The following TERF1 variants were observed in gnomAD, a reference collection of about 807,000 sequenced individuals.
TERF1 encodes the protein telomeric repeat-binding factor 1.
In TERF1, 20 loss-of-function variants were observed where a neutral mutation model predicts 55.1. The ratio of observed to expected loss-of-function variants is 0.36; its 90% confidence interval spans 0.26 to 0.53. The LOEUF is 0.53. Among genes scored for constraint, TERF1 ranks in the 20% least tolerant of loss-of-function variants. The pLI is 0.91. For missense variants in TERF1, 439 were observed against 535.7 expected (o/e 0.82, Z 1.78); for synonymous variants, 168 against 181.2 (o/e 0.93, Z 0.59).
At chr8:73,018,476 G>C (rs1413015553) in intron 2 of TERF1, among the ~76,000 whole-genome samples, 1 of 152,134 alleles carries the variant, frequency 6.6e-6, no homozygotes. Flanking sequence ...AGGAGTTCGA[G>C]ACCAGCCTGG....
intron 2 of TERF1, among the ~76,000 whole-genome samples, chr8:73,015,116 CAG>C (rs1272467940): frequency 6.6e-6 from 1 of 152,128 alleles, no homozygotes; most frequent in Non-Finnish European, 1.5e-5. Flanking sequence ...CCAAAAAAGG[CAG>C]GGGGGAATCC....
chr8:73,030,421 T>C lies in TERF1; in HGVS notation c.947+26T>C. ...GTGAAGTAAATTGACGTTTTTCTTC[T>C]TTGTCTTTCAAATCTTTGATTGAAG... On this transcript the variant is annotated intron_variant, in intron 7 of 9. Coordinates refer to ENST00000276603, the MANE Select transcript of TERF1 (RefSeq NM_017489.3). 2 of 1,424,866 alleles carry C rather than the reference T, an allele frequency of 1.4e-6. 1 individual carries two copies. Among genetic ancestry groups the C allele is most frequent in the South Asian group, 3.1e-5 (2 of 64,344 alleles). The allele number at this position is 1,424,866 out of a possible 1,614,324, so 88.3% of individuals were successfully genotyped here. A position where few individuals can be genotyped will look rare whatever the true frequency, so the allele number is the denominator to read the frequency against.
chr8:73,024,891 A>T lies in TERF1; in HGVS notation c.694A>T (p.Ser232Cys), dbSNP rs1257022048. The change falls in exon 5 of 10, where the codon AGC (serine) becomes TGC (cysteine). Residue 232 changes from serine to cysteine, a missense_variant. Ser to Cys is a moderately radical substitution (Grantham distance 112). Around this residue, in one of 4 missense-constraint regions of TERF1, gnomAD observed 95 missense variants for 167.2 expected, o/e 0.57. Transcript: ENST00000276603. The stretch of plus-strand genomic sequence containing the variant: ...ATTTCATTCCTTTTTTCAACACTTC[A>T]GCTACAACCACATGATGGAGAAAAT... ...DTFHSFFQHF[S>C]YNHMMEKIKS... 13 of 1,585,564 alleles carry T rather than the reference A, an allele frequency of 8.2e-6. No homozygotes were observed. The highest frequency in any genetic ancestry group is 1.1e-5 in the Non-Finnish European group (13 of 1,170,040).
Position 73,046,163 on chromosome 8 carries a change from G to C in TERF1, c.*26G>C. ...TTGTGTTTGTAAAAGCTTGATGAAA[G>C]GACAGTTAAGTATTTTGATCACTGC... On this transcript the variant is annotated 3_prime_UTR_variant, in exon 10 of 10. Transcript: ENST00000276603. 2.0e-6 allele frequency: 3 copies of C among 1,520,666 alleles called. No homozygotes were observed. The highest frequency in any genetic ancestry group is 1.8e-6 in the Non-Finnish European group (2 of 1,137,592). 94.2% of individuals were successfully genotyped at this position (1,520,666 alleles called of 1,614,324 possible).
At chr8:73,033,666 G>A (rs549301422) in intron 8 of TERF1, among the ~76,000 whole-genome samples, 1 of 152,230 alleles carries the variant, frequency 6.6e-6, no homozygotes, top group South Asian at 2.1e-4. Context: ...AACCTAGGAG[G>A]TGGAGGTTGC....
At chr8:73,041,532 C>T (rs541127394) in intron 9 of TERF1, among the ~76,000 whole-genome samples, 1 of 152,224 alleles carries the variant, frequency 6.6e-6, no homozygotes, top group East Asian at 1.9e-4. Context: ...TTGGGTGAGA[C>T]ATGAAGGCTA....
chr8:73,040,293 T>G (rs1809780228), intron 9 of TERF1, among the ~76,000 whole-genome samples: 1 of 152,170 alleles, frequency 6.6e-6, no homozygotes, highest in Non-Finnish European at 1.5e-5. Context: ...CAGGGTATTT[T>G]CATTAGAAAA....
rs572444895 is a variant in TERF1, at chr8:73,046,751, C to T, written c.*614C>T. The T allele has an allele frequency of 3.9e-5, 6 of 152,248 alleles. No homozygotes were observed. Among genetic ancestry groups the T allele is most frequent in the African/African-American group, 1.4e-4 (6 of 41,542 alleles). 9.4% of individuals were successfully genotyped at this position (152,248 alleles called of 1,614,324 possible). A position where few individuals can be genotyped will look rare whatever the true frequency, so the allele number is the denominator to read the frequency against. Reference sequence around the variant, plus strand: ...CTTCATGATCCACCCACCTCGGCCTCCCAAAGTGCTGAGATTACAGACGTG... The same window carrying T: ...CTTCATGATCCACCCACCTCGGCCTTCCAAAGTGCTGAGATTACAGACGTG... On this transcript the variant is annotated 3_prime_UTR_variant, in exon 10 of 10. Coordinates refer to ENST00000276603, the MANE Select transcript of TERF1 (RefSeq NM_017489.3).
rs532334728 is a variant in TERF1, at chr8:73,036,575, G to A, written c.1040-2541G>A. ...ACAGTCATCCCTTGGTTTTCACAGGGTATTGGTTCCAGGACCCATCCCCCC... is the reference window on the plus strand; with the variant it reads ...ACAGTCATCCCTTGGTTTTCACAGGATATTGGTTCCAGGACCCATCCCCCC... On this transcript the variant is annotated intron_variant, in intron 8 of 9. Coordinates refer to ENST00000276603, the MANE Select transcript of TERF1 (RefSeq NM_017489.3). Among the ~76,000 whole-genome samples, 9 of 151,682 alleles carry A rather than the reference G, an allele frequency of 5.9e-5. No homozygotes were observed. The South Asian group carries it at 1.9e-3, about 32-fold the overall frequency.
rs1810014677 is a variant in TERF1, at chr8:73,045,987, T to G, written c.1170T>G (p.Asn390Lys). The G allele has an allele frequency of 6.3e-7, 1 of 1,587,472 alleles. No homozygotes were observed. Reference sequence around the variant, plus strand: ...CATGGCTTTGGGAAGAAGACAAGAATTTGAGATCTGGCGTGAGGAAATATG... The same window carrying G: ...CATGGCTTTGGGAAGAAGACAAGAAGTTGAGATCTGGCGTGAGGAAATATG... ...RQAWLWEEDK[N>K]LRSGVRKYGE... The change falls in exon 10 of 10, where the codon AAT (asparagine) becomes AAG (lysine). Residue 390 changes from asparagine to lysine, a missense_variant. Physicochemically the swap from Asn to Lys is moderately conservative, Grantham distance 94. This residue lies in a region of TERF1 where 140 missense variants were observed against 158.6 expected (regional missense o/e 0.88). Transcript: ENST00000276603.
intron 9 of TERF1, among the ~76,000 whole-genome samples, chr8:73,039,816 T>TGTGTGTGTG (rs1809759071): frequency 4.8e-5 from 7 of 146,872 alleles, no homozygotes; most frequent in African/African-American, 1.0e-4. Flanking sequence ...TGTGTGTGTG[T>TGTGTGTGTG]TTCCCCCTTT....
chr8:73,032,715 A>G (rs1809340660), intron 8 of TERF1, among the ~76,000 whole-genome samples: 1 of 152,204 alleles, frequency 6.6e-6, no homozygotes, highest in Admixed American at 6.5e-5. Flanking sequence ...TTTCAGAAAC[A>G]TTAAGTACAG....
chr8:73,045,539 C>T (rs1409675800), intron 9 of TERF1, among the ~76,000 whole-genome samples: 1 of 152,148 alleles, frequency 6.6e-6, no homozygotes, highest in Non-Finnish European at 1.5e-5. Flanking sequence ...GTGTGTAATA[C>T]TTCCCCTACC....
In TERF1 at chr8:73,022,297, C is replaced by T; in HGVS notation, c.619C>T (p.His207Tyr). 2 of 1,556,562 alleles carry T rather than the reference C, an allele frequency of 1.3e-6. No individual in the cohort carries two copies. Among genetic ancestry groups the T allele is most frequent in the Non-Finnish European group, 1.7e-6 (2 of 1,147,966 alleles). Residue 207 changes from histidine (H) to tyrosine (Y), a missense_variant, in exon 4 of 10, where the codon CAT becomes TAT. By Grantham distance (83) the His-to-Tyr change is moderately conservative. Coordinates refer to ENST00000276603, the MANE Select transcript of TERF1 (RefSeq NM_017489.3). ...AAGAATATTTGGTGATCCAAATTCT[C>T]ATATGGTAATTATTTAAATTAAAAC... is the stretch of plus-strand genomic sequence containing the variant. ...FERIFGDPNSHMPFKSKLLMI... is the reference protein window; with the variant it reads ...FERIFGDPNSYMPFKSKLLMI...
chr8:73,039,823 C>CT (rs1331846855), intron 9 of TERF1, among the ~76,000 whole-genome samples: 10 of 133,464 alleles, frequency 7.5e-5, no homozygotes, highest in Non-Finnish European at 9.8e-5. Context: ...GTGTTTCCCC[C>CT]TTTTTTTTGT....
chr8:73,009,024 G>C lies in TERF1; in HGVS notation c.138G>C (p.Glu46Asp), dbSNP rs373985315. The C allele has an allele frequency of 1.9e-5, 30 of 1,611,280 alleles. No individual in the cohort carries two copies. The highest frequency in any genetic ancestry group is 2.2e-5 in the Non-Finnish European group (26 of 1,179,154). ...AGTTCGAATGCCAGGAACTGCTCGA[G>C]TGCCAGGTGCAGGTGGGGGCCCCCG... is the stretch of plus-strand genomic sequence containing the variant. ...EEQFECQELL[E>D]CQVQVGAPEE... The change falls in exon 1 of 10, where the codon GAG becomes GAC. Residue 46 changes from glutamate (E) to aspartate (D), a missense_variant. Glu to Asp is a conservative substitution (Grantham distance 45, BLOSUM62 2). Coordinates refer to ENST00000276603, the MANE Select transcript of TERF1 (RefSeq NM_017489.3).
intron 6 of TERF1, 182 bp from the exon 7 acceptor site, chr8:73,030,154 T>G: frequency 2.5e-6 from 1 of 405,920 alleles, no homozygotes; most frequent in Admixed American, 4.5e-5. Flanking sequence ...ATACCTCTTA[T>G]AAGCATGTCT....
chr8:73,013,709 T>G (rs1808371236), intron 1 of TERF1, 186 bp from the exon 2 acceptor site: 1 of 558,956 alleles, frequency 1.8e-6, no homozygotes, highest in South Asian at 2.2e-5. Context: ...AAAGTTATAT[T>G]TTGTAAGAAA....
chr8:73,012,797 A>G, intron 1 of TERF1: 1 of 411,018 alleles, frequency 2.4e-6, no homozygotes. Flanking sequence ...CCTTCGTGGT[A>G]CTCATTAAAA....
Sources: allele counts gnomAD v4.1 joint callset (sites outside exome capture counted in the v4.1 genomes callset), GRCh38; gene constraint gnomAD v4.1.1; regional missense constraint gnomAD v4.1.1; transcripts MANE v1.5; gene names NCBI Gene and HGNC (gene_info 2026-07-23, HGNC 2026-07-21).